The following GALM variants were observed in gnomAD, a reference collection of about 807,000 sequenced individuals.
GALM encodes the protein galactose mutarotase.
Under a neutral mutation model 37.4 loss-of-function variants are expected in GALM, and 43 were observed. The observed-to-expected ratio is 1.15, with a 90% CI of 0.90 to 1.48. GALM has a LOEUF of 1.48. Ranked by LOEUF, GALM falls within the 40% of genes most tolerant of loss-of-function variation. The probability of loss-of-function intolerance (pLI) is 0.00; values close to 1 mark genes in which losing one functional copy is unlikely to be tolerated. For missense variants in GALM, 456 were observed against 419.1 expected, an observed-to-expected ratio of 1.09 and a Z score of -0.77; for synonymous variants, 199 against 170.6, an observed-to-expected ratio of 1.17 and a Z score of -1.30.
chr2:38,722,091 G>A (rs1666393083), intron 4 of GALM, among the ~76,000 whole-genome samples: 1 of 132,464 alleles, frequency 7.5e-6, no homozygotes, highest in Admixed American at 9.1e-5. Flanking sequence ...CGGGTGAGGC[G>A]GCTCATGCCT....
chr2:38,729,462 C>T (rs1441527401), intron 4 of GALM, 94 bp from the exon 5 acceptor site: 27 of 1,067,298 alleles, frequency 2.5e-5, no homozygotes, highest in African/African-American at 9.7e-5. Context: ...AAAATGAAGG[C>T]GGAGAGAGTA....
chr2:38,677,804 T>G (rs1417629508), intron 2 of GALM, among the ~76,000 whole-genome samples: 1 of 151,934 alleles, frequency 6.6e-6, no homozygotes, highest in Non-Finnish European at 1.5e-5. Flanking sequence ...AAGAGGGAGA[T>G]GGACTCTTAC....
chr2:38,688,525 A>AG (rs2148434915), intron 3 of GALM, among the ~76,000 whole-genome samples: 1 of 152,194 alleles, frequency 6.6e-6, no homozygotes, highest in East Asian at 1.9e-4. Flanking sequence ...AAAAAAAAAA[A>AG]AGTCAAATGT....
At chr2:38,690,288 A>C (rs961703548) in intron 4 of GALM, among the ~76,000 whole-genome samples, 4 of 152,146 alleles carry the variant, frequency 2.6e-5, no homozygotes, top group African/African-American at 9.7e-5. Flanking sequence ...CCTGAGCAAC[A>C]TGGTGAGACC....
At chr2:38,716,976 C>G (rs1666280942) in intron 4 of GALM, among the ~76,000 whole-genome samples, 1 of 152,208 alleles carries the variant, frequency 6.6e-6, no homozygotes, top group Admixed American at 6.5e-5. Flanking sequence ...TGGGGCCGGG[C>G]ACAGTGGCTC....
At chr2:38,691,514 A>G (rs1345322636) in intron 4 of GALM, among the ~76,000 whole-genome samples, 1 of 150,938 alleles carries the variant, frequency 6.6e-6, no homozygotes, top group Non-Finnish European at 1.5e-5. Context: ...ATCCCATCTC[A>G]ACAAAAAATT....
intron 3 of GALM, among the ~76,000 whole-genome samples, chr2:38,685,196 G>A (rs976145814): frequency 1.3e-5 from 2 of 152,128 alleles, no homozygotes; most frequent in African/African-American, 4.8e-5. Flanking sequence ...TAACCCAATC[G>A]CCAGCAAGGG....
At chr2:38,672,844 T>TAA (rs201693779) in intron 1 of GALM, among the ~76,000 whole-genome samples, 1 of 142,894 alleles carries the variant, frequency 7.0e-6, no homozygotes. Context: ...CCATCTCTAT[T>TAA]AAAAAAAAAA....
chr2:38,669,762 A>C (rs1186629007), intron 1 of GALM, among the ~76,000 whole-genome samples: 2 of 152,066 alleles, frequency 1.3e-5, no homozygotes, highest in Non-Finnish European at 2.9e-5. Flanking sequence ...AATCCCAGCT[A>C]TTCAGGAGGC....
At chr2:38,687,497 G>T (rs1310086462) in intron 3 of GALM, among the ~76,000 whole-genome samples, 1 of 152,090 alleles carries the variant, frequency 6.6e-6, no homozygotes, top group Non-Finnish European at 1.5e-5. Context: ...ATTACTTGAG[G>T]TCTGGAGTTC....
intron 4 of GALM, among the ~76,000 whole-genome samples, chr2:38,718,116 T>C (rs999700102): frequency 4.6e-5 from 7 of 151,146 alleles, no homozygotes; most frequent in African/African-American, 1.7e-4. Context: ...AGATTACAGG[T>C]GTGAGCCACT....
chr2:38,711,815 T>A, intron 4 of GALM, among the ~76,000 whole-genome samples: 1 of 62,214 alleles, frequency 1.6e-5, no homozygotes, highest in African/African-American at 5.9e-5. Flanking sequence ...ACCATCATCA[T>A]CATCACTATC....
At chr2:38,708,305 A>G (rs1308026850) in intron 4 of GALM, among the ~76,000 whole-genome samples, 8 of 151,656 alleles carry the variant, frequency 5.3e-5, no homozygotes, top group East Asian at 1.9e-4. Context: ...GTCTCTAAAA[A>G]AATAAAAATA....
intron 1 of GALM, 62 bp downstream of exon 1, chr2:38,666,413 A>G (rs1358589600): frequency 7.7e-7 from 1 of 1,290,754 alleles, no homozygotes; most frequent in African/African-American, 1.5e-5. Context: ...TACCTCCCGG[A>G]TCTAGCGGGC....
intron 1 of GALM, among the ~76,000 whole-genome samples, chr2:38,675,590 A>G (rs1297872827): frequency 5.5e-5 from 5 of 90,934 alleles, no homozygotes; most frequent in South Asian, 3.9e-4. Context: ...TGTGTGTGTG[A>G]TGGAGTCTCG....
chr2:38,666,903 A>T (rs1195771742), intron 1 of GALM, among the ~76,000 whole-genome samples: 2 of 152,174 alleles, frequency 1.3e-5, no homozygotes, highest in Non-Finnish European at 2.9e-5. Flanking sequence ...AGACCAACTC[A>T]GTGTCTTCTC....
At position 38,728,774 on chromosome 2, in the gene GALM, G is replaced by GA. The variant is rs747299065; in HGVS notation, c.635-776dup. On this transcript the variant is annotated intron_variant, in intron 4 of 6. Transcript: ENST00000272252. ...AGAGCCCTTTTCTTTTCCTCTTCAA[G>GA]AAAAAATGGCTGGAGTGATTTGGCC... 6.6e-5 allele frequency among the ~76,000 whole-genome samples: 10 copies of GA among 152,278 alleles called. No homozygotes were observed. The East Asian group carries it at 1.7e-3, about 26-fold the overall frequency.
chr2:38,687,340 GC>G (rs771740293), intron 3 of GALM, among the ~76,000 whole-genome samples: 3 of 152,172 alleles, frequency 2.0e-5, no homozygotes, highest in Non-Finnish European at 4.4e-5. Context: ...CAGAGGAGAG[GC>G]CTTTGCCCTG....
intron 4 of GALM, among the ~76,000 whole-genome samples, chr2:38,718,191 C>A (rs1023543032): frequency 1.0e-5 from 1 of 99,996 alleles, no homozygotes; most frequent in Admixed American, 1.1e-4. Flanking sequence ...TTCTTTTTTT[C>A]TTTTCTTTTT....
Sources: allele counts gnomAD v4.1 joint callset (sites outside exome capture counted in the v4.1 genomes callset), GRCh38; gene constraint gnomAD v4.1.1; transcripts MANE v1.5; gene names NCBI Gene and HGNC (gene_info 2026-07-23, HGNC 2026-07-21).